SNTB2: variants seen among roughly 807,000 people sequenced by gnomAD.
The protein encoded by SNTB2 is beta-2-syntrophin.
In SNTB2, 34 loss-of-function variants were observed where a neutral mutation model predicts 46.2. The observed-to-expected ratio is 0.74, with a 90% CI of 0.56 to 0.98. SNTB2 has a LOEUF of 0.98. Among genes scored for constraint, SNTB2 ranks in the 50% least tolerant of loss-of-function variants. The pLI is 0.00. For synonymous variants in SNTB2, 290 were observed against 312.6 expected (o/e 0.93, Z 0.76); for missense variants, 603 against 731.4 (o/e 0.82, Z 2.02).
intron 1 of SNTB2, among the ~76,000 whole-genome samples, chr16:69,192,913 G>A (rs1427040415): frequency 6.6e-6 from 1 of 151,926 alleles, no homozygotes; most frequent in Non-Finnish European, 1.5e-5. Flanking sequence ...ATAATTAGTT[G>A]AGAATATGTG....
At chr16:69,274,181 A>C (rs946644095) in intron 4 of SNTB2, among the ~76,000 whole-genome samples, 1 of 150,914 alleles carries the variant, frequency 6.6e-6, no homozygotes, top group Non-Finnish European at 1.5e-5. Context: ...GCGTGGTGGC[A>C]TATGCCCGTA....
chr16:69,192,861 ACTTGG>A (rs1457717187), intron 1 of SNTB2, among the ~76,000 whole-genome samples: 1 of 152,132 alleles, frequency 6.6e-6, no homozygotes, highest in Non-Finnish European at 1.5e-5. Flanking sequence ...TAAAATTCAA[ACTTGG>A]CTTTATTTCT....
chr16:69,204,781 A>G (rs1964197286), intron 1 of SNTB2, among the ~76,000 whole-genome samples: 1 of 152,226 alleles, frequency 6.6e-6, no homozygotes, highest in African/African-American at 2.4e-5. Context: ...TCTGTGGCCT[A>G]CATGAGTATT....
Position 69,300,890 on chromosome 16 carries a change from C to T in SNTB2, c.1589C>T (p.Ser530Leu), listed in dbSNP as rs201410231. ...PIVFVLHTFLSAKVTRMGLLV is the reference protein window; with the variant it reads ...PIVFVLHTFLLAKVTRMGLLV ...GTATTTGTGTTGCACACGTTTTTAT[C>T]GGCCAAAGTCACTCGTATGGGACTG... is the stretch of plus-strand genomic sequence containing the variant. Residue 530 changes from serine (S) to leucine (L), a missense_variant, in exon 7 of 7, where the codon TCG becomes TTG. Ser to Leu is a moderately radical substitution (Grantham distance 145). Transcript: ENST00000336278. 36 of 1,613,636 alleles carry T rather than the reference C, an allele frequency of 2.2e-5. No homozygotes were observed. Among genetic ancestry groups the T allele is most frequent in the African/African-American group, 1.1e-4 (8 of 74,984 alleles).
intron 1 of SNTB2, among the ~76,000 whole-genome samples, chr16:69,243,021 A>T (rs1302385586): frequency 2.4e-5 from 3 of 123,942 alleles, no homozygotes; most frequent in Admixed American, 8.1e-5. Context: ...ACTGCATCTT[A>T]AAAAAAAAAA....
intron 4 of SNTB2, among the ~76,000 whole-genome samples, chr16:69,274,278 C>G (rs1035184477): frequency 3.3e-5 from 5 of 150,242 alleles, no homozygotes; most frequent in South Asian, 4.2e-4. Flanking sequence ...CACCACTGCA[C>G]TCTAGCCTGG....
intron 4 of SNTB2, among the ~76,000 whole-genome samples, chr16:69,279,733 T>G (rs1319969744): frequency 6.6e-6 from 1 of 151,578 alleles, no homozygotes; most frequent in Non-Finnish European, 1.5e-5. Flanking sequence ...TTTCACCGTG[T>G]TAGCCAGGAT....
At chr16:69,246,366 T>A (rs1359663217) in intron 2 of SNTB2, among the ~76,000 whole-genome samples, 1 of 151,986 alleles carries the variant, frequency 6.6e-6, no homozygotes, top group African/African-American at 2.4e-5. Context: ...ATTACATGTA[T>A]TGATTTGCGT....
intron 1 of SNTB2, 115 bp downstream of exon 1, chr16:69,187,861 A>G: frequency 1.2e-6 from 1 of 869,522 alleles, no homozygotes; most frequent in South Asian, 2.2e-5. Flanking sequence ...TCTCTCTCCA[A>G]ACCCGGGTTT....
intron 3 of SNTB2, among the ~76,000 whole-genome samples, chr16:69,267,666 A>G (rs553587833): frequency 6.6e-6 from 1 of 152,206 alleles, no homozygotes; most frequent in Non-Finnish European, 1.5e-5. Context: ...TGGTCCCTTC[A>G]CTGGCTAGAA....
At position 69,302,219 on chromosome 16, in the gene SNTB2, G is replaced by C. The variant is rs534063495; in HGVS notation, c.*1295G>C. On this transcript the variant is annotated 3_prime_UTR_variant, in exon 7 of 7. Coordinates refer to ENST00000336278, the MANE Select transcript of SNTB2 (RefSeq NM_006750.4). ...GATTGCCAGATATCATTAGGACACAGTAGCAGCAAGAATGCTGATTTTGTA... is the reference window on the plus strand; with the variant it reads ...GATTGCCAGATATCATTAGGACACACTAGCAGCAAGAATGCTGATTTTGTA... 1 of 152,322 alleles carries C rather than the reference G, an allele frequency of 6.6e-6. No homozygotes were observed. Among genetic ancestry groups the C allele is most frequent in the African/African-American group, 2.4e-5 (1 of 41,576 alleles). The allele number at this position is 152,322 out of a possible 1,614,324, so 9.4% of individuals were successfully genotyped here.
At chr16:69,274,478 C>A (rs1964967877) in intron 4 of SNTB2, among the ~76,000 whole-genome samples, 1 of 151,626 alleles carries the variant, frequency 6.6e-6, no homozygotes, top group Non-Finnish European at 1.5e-5. Flanking sequence ...ACAGTGAAAC[C>A]CCGTCTCTAC....
chr16:69,236,753 A>T (rs1476851088), intron 1 of SNTB2, among the ~76,000 whole-genome samples: 1 of 151,636 alleles, frequency 6.6e-6, no homozygotes, highest in East Asian at 1.9e-4. Context: ...GGCAGTGGAA[A>T]CTGAGGGGAG....
chr16:69,210,940 G>A (rs1038753405), intron 1 of SNTB2, among the ~76,000 whole-genome samples: 6 of 152,002 alleles, frequency 3.9e-5, no homozygotes, highest in African/African-American at 1.2e-4. Context: ...GCAGTGAGCC[G>A]AGATTGCACC....
chr16:69,211,683 T>C (rs2152292132), intron 1 of SNTB2, among the ~76,000 whole-genome samples: 1 of 152,314 alleles, frequency 6.6e-6, no homozygotes, highest in East Asian at 1.9e-4. Context: ...CCTGAGCAGC[T>C]GTCTTTGGAA....
At chr16:69,300,615 A>G (rs1227383449) in intron 6 of SNTB2, among the ~76,000 whole-genome samples, 1 of 152,144 alleles carries the variant, frequency 6.6e-6, no homozygotes, top group Admixed American at 6.6e-5. Context: ...GTACACCACC[A>G]GTTGTCTCCT....
chr16:69,245,887 ACT>A, intron 2 of SNTB2, 72 bp downstream of exon 2: 2 of 1,420,936 alleles, frequency 1.4e-6, no homozygotes, highest in Admixed American at 1.7e-5. Context: ...GTATTATATG[ACT>A]CTGTTAACTC....
chr16:69,245,887 A>T, intron 2 of SNTB2, 72 bp downstream of exon 2: 2 of 1,420,936 alleles, frequency 1.4e-6, no homozygotes, highest in Non-Finnish European at 2.0e-6. Flanking sequence ...GTATTATATG[A>T]CTCTGTTAAC....
chr16:69,235,848 G>T, intron 1 of SNTB2: 1 of 1,289,014 alleles, frequency 7.8e-7, no homozygotes, highest in Non-Finnish European at 1.0e-6. Context: ...GTTTGAACCC[G>T]TTAGCTACCA....
Sources: allele counts gnomAD v4.1 joint callset (sites outside exome capture counted in the v4.1 genomes callset), GRCh38; gene constraint gnomAD v4.1.1; transcripts MANE v1.5; gene names NCBI Gene and HGNC (gene_info 2026-07-23, HGNC 2026-07-21).